RORA: variants seen among roughly 807,000 people sequenced by gnomAD.
The protein encoded by RORA is nuclear receptor ROR-alpha.
RORA carries 7 observed loss-of-function variants against 69.5 expected under a neutral mutation model. The observed-to-expected ratio is 0.10, with a 90% confidence interval of 0.06 to 0.19. The LOEUF (loss-of-function observed/expected upper bound fraction) is 0.19, where lower values mean the gene tolerates loss of function less well. Ranked by LOEUF, RORA falls within the 10% of genes least tolerant of loss-of-function variation. RORA has a pLI of 1.00. For missense variants in RORA, 457 were observed against 663.0 expected (o/e 0.69, Z 3.41); for synonymous variants, 261 against 240.8 (o/e 1.08, Z -0.78).
At chr15:61,073,497 C>G (rs994640909) in intron 1 of RORA, among the ~76,000 whole-genome samples, 11 of 152,138 alleles carry the variant, frequency 7.2e-5, no homozygotes, top group African/African-American at 2.7e-4. Flanking sequence ...CATGAACTGC[C>G]TAGCAATAGT....
At chr15:60,955,399 T>C (rs1893237487) in intron 1 of RORA, among the ~76,000 whole-genome samples, 1 of 152,214 alleles carries the variant, frequency 6.6e-6, no homozygotes. Flanking sequence ...TTAGGAAATA[T>C]GATAATACAT....
intron 1 of RORA, among the ~76,000 whole-genome samples, chr15:61,222,642 AAGATAATCAC>A (rs2080108759): frequency 6.6e-6 from 1 of 152,210 alleles, no homozygotes; most frequent in African/African-American, 2.4e-5. Flanking sequence ...TACAATATCA[AAGATAATCAC>A]AAGACAACTG....
intron 1 of RORA, among the ~76,000 whole-genome samples, chr15:61,146,853 A>C (rs1012492096): frequency 6.6e-6 from 1 of 152,206 alleles, no homozygotes; most frequent in African/African-American, 2.4e-5. Context: ...TTAGACACCC[A>C]AGCGGGCAGA....
intron 1 of RORA, among the ~76,000 whole-genome samples, chr15:61,207,157 T>TGCACACACAC (rs1400581464): frequency 6.6e-6 from 1 of 151,990 alleles, no homozygotes; most frequent in Non-Finnish European, 1.5e-5. Flanking sequence ...TATACACACA[T>TGCACACACAC]GCACACACAC....
At chr15:61,205,423 G>A (rs2079932088) in intron 1 of RORA, among the ~76,000 whole-genome samples, 1 of 152,194 alleles carries the variant, frequency 6.6e-6, no homozygotes, top group Non-Finnish European at 1.5e-5. Context: ...AGCCACAGTC[G>A]CAGGTTGTTC....
chr15:60,749,124 T>C (rs753439244), intron 1 of RORA, among the ~76,000 whole-genome samples: 38 of 152,202 alleles, frequency 2.5e-4, no homozygotes, highest in Non-Finnish European at 4.6e-4. Flanking sequence ...CTCTCTTGGA[T>C]GGAATTTTGA....
At chr15:61,173,055 T>C (rs926916145) in intron 1 of RORA, among the ~76,000 whole-genome samples, 1 of 152,210 alleles carries the variant, frequency 6.6e-6, no homozygotes, top group Admixed American at 6.5e-5. Flanking sequence ...TTAAATTTTA[T>C]TTTATTTTTC....
At chr15:60,553,659 T>C (rs566826614) in intron 2 of RORA, among the ~76,000 whole-genome samples, 2 of 152,298 alleles carry the variant, frequency 1.3e-5, no homozygotes, top group East Asian at 1.9e-4. Context: ...TATCTGCCTA[T>C]AGGCAGGGCA....
intron 1 of RORA, among the ~76,000 whole-genome samples, chr15:60,699,769 A>C (rs1265360930): frequency 1.3e-5 from 2 of 152,034 alleles, no homozygotes; most frequent in Non-Finnish European, 2.9e-5. Flanking sequence ...TATTGTATTT[A>C]GTTTTTGCCT....
In RORA at chr15:61,147,937, T is replaced by A. The variant is rs2079365173; in HGVS notation, c.166+81116A>T. ...CAGAATTACCTTAAGAAATAGGCAT[T>A]TTATCAGGAAGGTTATGGAGAGCCA... On this transcript the variant is annotated intron_variant, in intron 1 of 10. Coordinates refer to ENST00000335670, the MANE Select transcript of RORA (RefSeq NM_134261.3). The surrounding 1 kb of genome is among the most constrained non-coding windows in gnomAD (Gnocchi z 4.1). 6.6e-6 allele frequency among the ~76,000 whole-genome samples: 1 copy of A among 152,066 alleles called. No homozygotes were observed. Among genetic ancestry groups the A allele is most frequent in the Admixed American group, 6.5e-5 (1 of 15,278 alleles).
At chr15:60,942,635 G>C (rs1184009388) in intron 1 of RORA, among the ~76,000 whole-genome samples, 2 of 152,222 alleles carry the variant, frequency 1.3e-5, no homozygotes, top group African/African-American at 2.4e-5. Flanking sequence ...ATGATACTTA[G>C]AGATTGGCTG....
Position 60,495,369 on chromosome 15 carries a change from T to G in RORA, c.*2086A>C, listed in dbSNP as rs2065141857. On this transcript the variant is annotated 3_prime_UTR_variant, in exon 11 of 11. Transcript: ENST00000335670. ...AAAATTTTACATGCCTGTAAGAAATTTAAAGGAATATTACTCTTCTATTTA... is the reference window on the plus strand; with the variant it reads ...AAAATTTTACATGCCTGTAAGAAATGTAAAGGAATATTACTCTTCTATTTA... 1 of 152,250 alleles carries G rather than the reference T, an allele frequency of 6.6e-6. No homozygotes were observed. The highest frequency in any genetic ancestry group is 2.4e-5 in the African/African-American group (1 of 41,478). The allele number at this position is 152,250 out of a possible 1,614,324, so 9.4% of individuals were successfully genotyped here.
chr15:61,031,724 T>C (rs976113933), intron 1 of RORA, among the ~76,000 whole-genome samples: 3 of 152,202 alleles, frequency 2.0e-5, no homozygotes, highest in Non-Finnish European at 2.9e-5. Context: ...TCCATGCATA[T>C]GTACATCTGT....
intron 1 of RORA, among the ~76,000 whole-genome samples, chr15:61,070,156 G>C (rs1256557815): frequency 1.3e-5 from 2 of 152,080 alleles, no homozygotes; most frequent in Non-Finnish European, 2.9e-5. Context: ...AATACATAAA[G>C]TCCTCGATTT....
intron 1 of RORA, among the ~76,000 whole-genome samples, chr15:61,124,997 G>T (rs966582465): frequency 3.9e-5 from 6 of 152,080 alleles, no homozygotes; most frequent in African/African-American, 1.4e-4. Context: ...AAACGCAAAA[G>T]AAAAAGTGTG....
intron 2 of RORA, among the ~76,000 whole-genome samples, chr15:60,660,909 A>G (rs1281415463): frequency 6.6e-6 from 1 of 152,112 alleles, no homozygotes. Flanking sequence ...CCTGCTGCAC[A>G]TGCCCACAGG....
At chr15:61,008,826 T>C (rs763136703) in intron 1 of RORA, among the ~76,000 whole-genome samples, 1 of 152,148 alleles carries the variant, frequency 6.6e-6, no homozygotes, top group Non-Finnish European at 1.5e-5. Flanking sequence ...ATGATGTTGA[T>C]GTAGAAAAAT....
intron 1 of RORA, among the ~76,000 whole-genome samples, chr15:61,057,943 G>A (rs985188607): frequency 6.6e-6 from 1 of 152,226 alleles, no homozygotes; most frequent in Non-Finnish European, 1.5e-5. Context: ...TTTAAGAGGA[G>A]ATTCAGCAAA....
chr15:61,009,706 T>C (rs1895029667), intron 1 of RORA, among the ~76,000 whole-genome samples: 1 of 152,246 alleles, frequency 6.6e-6, no homozygotes, highest in South Asian at 2.1e-4. Context: ...AACTGATTTC[T>C]GTAAGTAATG....
Sources: gnomAD v4.1 joint callset for allele counts (sites outside exome capture counted in the v4.1 genomes callset) on GRCh38, gnomAD v4.1.1 for gene constraint, Gnocchi (gnomAD v3.1) non-coding constraint, MANE v1.5 for transcripts, NCBI Gene and HGNC (gene_info 2026-07-23, HGNC 2026-07-21) for gene names.